BMAL2: variants seen among roughly 807,000 people sequenced by gnomAD.
BMAL2 encodes basic helix-loop-helix ARNT like 2.
chr12:27,344,594 G>A, the BMAL2 span, among the ~76,000 whole-genome samples: 6 of 152,154 alleles, frequency 3.9e-5, no homozygotes, highest in Non-Finnish European at 7.3e-5. Context: ...GGAAGACTCC[G>A]CTCTGCTTTT....
At chr12:27,335,293 C>G in the BMAL2 span, among the ~76,000 whole-genome samples, 1 of 152,056 alleles carries the variant, frequency 6.6e-6, no homozygotes, top group Non-Finnish European at 1.5e-5. Context: ...TGGTAAACAC[C>G]GAAATTGAGC....
the BMAL2 span, among the ~76,000 whole-genome samples, chr12:27,389,582 T>G: frequency 6.6e-6 from 1 of 152,176 alleles, no homozygotes; most frequent in Non-Finnish European, 1.5e-5. Context: ...TACAAGAAAG[T>G]ATCATTTGGA....
the BMAL2 span, chr12:27,380,245 A>G: frequency 6.2e-7 from 1 of 1,613,750 alleles, no homozygotes; most frequent in Non-Finnish European, 8.5e-7. Flanking sequence ...TTTCCCTCTT[A>G]GAGAAGCTCA....
At chr12:27,378,210 T>C in the BMAL2 span, among the ~76,000 whole-genome samples, 1 of 152,206 alleles carries the variant, frequency 6.6e-6, no homozygotes, top group Admixed American at 6.5e-5. Context: ...AAATTTCTTA[T>C]CATCAGTGGC....
chr12:27,397,361 C>T, the BMAL2 span, among the ~76,000 whole-genome samples: 10 of 152,358 alleles, frequency 6.6e-5, no homozygotes, highest in South Asian at 2.1e-4. Flanking sequence ...TGAGCCACCA[C>T]GCCCAGCCAA....
At chr12:27,398,180 A>AT in the BMAL2 span, among the ~76,000 whole-genome samples, 1 of 152,210 alleles carries the variant, frequency 6.6e-6, no homozygotes. Flanking sequence ...CTTCCTCAAG[A>AT]TTTCAAGTGA....
the BMAL2 span, chr12:27,420,391 C>A: frequency 1.2e-6 from 2 of 1,613,826 alleles, no homozygotes; most frequent in Non-Finnish European, 1.7e-6. Flanking sequence ...TATTTTAATT[C>A]ATAGGTGATG....
the BMAL2 span, among the ~76,000 whole-genome samples, chr12:27,369,558 C>G: frequency 6.6e-6 from 1 of 152,208 alleles, no homozygotes; most frequent in Non-Finnish European, 1.5e-5. Context: ...GACTATGTAG[C>G]TGTTTTCCAT....
chr12:27,383,083 G>T, the BMAL2 span, among the ~76,000 whole-genome samples: 1 of 152,174 alleles, frequency 6.6e-6, no homozygotes, highest in Non-Finnish European at 1.5e-5. Context: ...ATTACCAGGC[G>T]GGGCAGTGAA....
At chr12:27,351,517 G>A in the BMAL2 span, among the ~76,000 whole-genome samples, 2 of 152,076 alleles carry the variant, frequency 1.3e-5, no homozygotes, top group Non-Finnish European at 2.9e-5. Flanking sequence ...CCAGTCCAGA[G>A]CCCACTACCC....
chr12:27,404,014 T>C, the BMAL2 span, among the ~76,000 whole-genome samples: 1 of 151,010 alleles, frequency 6.6e-6, no homozygotes, highest in Non-Finnish European at 1.5e-5. Flanking sequence ...AAAAAAAAAT[T>C]AGCTGGATGT....
At chr12:27,345,787 A>G in the BMAL2 span, among the ~76,000 whole-genome samples, 1 of 152,106 alleles carries the variant, frequency 6.6e-6, no homozygotes, top group African/African-American at 2.4e-5. Flanking sequence ...TACAGGCATG[A>G]CCCACCACAC....
the BMAL2 span, chr12:27,402,709 T>C: frequency 4.5e-6 from 7 of 1,551,462 alleles, no homozygotes; most frequent in Non-Finnish European, 4.4e-6. Flanking sequence ...GGAAGACTTA[T>C]TACTAAGACA....
the BMAL2 span, chr12:27,385,399 C>A: frequency 1.3e-6 from 1 of 764,374 alleles, no homozygotes. Flanking sequence ...CAAATACCAG[C>A]AGCAGCAGCA....
chr12:27,410,208 C>G, the BMAL2 span, among the ~76,000 whole-genome samples: 1 of 152,124 alleles, frequency 6.6e-6, no homozygotes, highest in Non-Finnish European at 1.5e-5. Context: ...GGATCTAAAA[C>G]TAGAAATACC....
At chr12:27,352,616 A>G in the BMAL2 span, among the ~76,000 whole-genome samples, 1 of 152,184 alleles carries the variant, frequency 6.6e-6, no homozygotes, top group Admixed American at 6.5e-5. Context: ...CAAGAGAAAG[A>G]AAGAAAAGGC....
chr12:27,354,929 A>G, the BMAL2 span, among the ~76,000 whole-genome samples: 4 of 152,188 alleles, frequency 2.6e-5, no homozygotes, highest in Non-Finnish European at 5.9e-5. Context: ...AAATAGGCCA[A>G]AAATAAGATG....
the BMAL2 span, among the ~76,000 whole-genome samples, chr12:27,385,210 A>T: frequency 6.6e-6 from 1 of 152,166 alleles, no homozygotes; most frequent in Non-Finnish European, 1.5e-5. Context: ...GCTATTCAGG[A>T]GGCTGAGGCA....
At chr12:27,340,590 T>C in the BMAL2 span, among the ~76,000 whole-genome samples, 1 of 143,980 alleles carries the variant, frequency 6.9e-6, no homozygotes, top group Non-Finnish European at 1.5e-5. Context: ...CTATTCGGGC[T>C]TTTTTTTTGG....
Sources: allele counts gnomAD v4.1 joint callset (sites outside exome capture counted in the v4.1 genomes callset), GRCh38; gene constraint gnomAD v4.1.1; transcripts MANE v1.5; gene names NCBI Gene and HGNC (gene_info 2026-07-23, HGNC 2026-07-21).